The following LARGE1 variants were observed in gnomAD, a reference collection of about 807,000 sequenced individuals.
LARGE1 encodes LARGE xylosyl- and glucuronyltransferase 1.
A neutral mutation model predicts 87.6 loss-of-function variants in LARGE1; 43 were observed. The observed-to-expected ratio is 0.49, with a 90% confidence interval of 0.38 to 0.63. The LOEUF (loss-of-function observed/expected upper bound fraction) is 0.63. Among genes scored for constraint, LARGE1 ranks in the 30% least tolerant of loss-of-function variants. The pLI is 0.00. For missense variants in LARGE1, 802 were observed against 1,000.2 expected, an observed-to-expected ratio of 0.80 and a Z score of 2.67; for synonymous variants, 434 against 394.6, an observed-to-expected ratio of 1.10 and a Z score of -1.18.
intron 9 of LARGE1, among the ~76,000 whole-genome samples, chr22:33,340,617 C>A (rs16992178): frequency 0.011 from 1,738 of 151,992 alleles, 15 homozygotes; most frequent in South Asian, 0.022. Flanking sequence ...CATGGGACAC[C>A]TGTGACGGGA....
At chr22:33,247,266 T>C (rs150128939) in intron 11 of LARGE1, among the ~76,000 whole-genome samples, 2 of 152,282 alleles carry the variant, frequency 1.3e-5, no homozygotes, top group African/African-American at 4.8e-5. Context: ...TTAGAATGGA[T>C]TGATATGTTT....
chr22:33,765,420 A>G (rs5999093), intron 1 of LARGE1, among the ~76,000 whole-genome samples: 3,267 of 152,136 alleles, frequency 0.021, 138 homozygotes, highest in African/African-American at 0.075. Flanking sequence ...GCTATAGACA[A>G]GGGCTGGGTG....
At chr22:33,314,090 A>G (rs760068658) in intron 11 of LARGE1, among the ~76,000 whole-genome samples, 3 of 152,190 alleles carry the variant, frequency 2.0e-5, no homozygotes, top group African/African-American at 4.8e-5. Flanking sequence ...TGGAGATGAG[A>G]AAACTGTGGG....
At chr22:33,308,459 T>G (rs190013064) in intron 11 of LARGE1, among the ~76,000 whole-genome samples, 262 of 152,334 alleles carry the variant, frequency 1.7e-3, no homozygotes, top group Non-Finnish European at 2.9e-3. Context: ...TTTGCACATA[T>G]GTATTTTGGG....
At chr22:33,852,321 TC>T (rs1250230686) in intron 1 of LARGE1, among the ~76,000 whole-genome samples, 1 of 152,122 alleles carries the variant, frequency 6.6e-6, no homozygotes, top group African/African-American at 2.4e-5. Context: ...GTTTTTTTTT[TC>T]CTGCCATCAA....
At chr22:33,714,031 C>CATAACATAACATAACATAAT (rs1189068227) in intron 2 of LARGE1, among the ~76,000 whole-genome samples, 1 of 147,390 alleles carries the variant, frequency 6.8e-6, no homozygotes, top group African/African-American at 2.5e-5. Flanking sequence ...CATAACATAA[C>CATAACATAACATAACATAAT]ATAAAACAAA....
chr22:33,274,727 TA>T (rs1928864292), intron 14 of LARGE1, 103 bp from the exon 15 acceptor site: 1 of 1,010,856 alleles, frequency 9.9e-7, no homozygotes, highest in Non-Finnish European at 1.6e-6. Flanking sequence ...AATGACTTGA[TA>T]ATGGCACCCA....
intron 5 of LARGE1, among the ~76,000 whole-genome samples, chr22:33,587,662 TCA>T (rs768232546): frequency 1.3e-5 from 2 of 152,150 alleles, no homozygotes; most frequent in Non-Finnish European, 2.9e-5. Context: ...TAATTTTGTT[TCA>T]GTTTATTCAG....
chr22:33,901,116 A>G (rs1308847102), intron 1 of LARGE1, among the ~76,000 whole-genome samples: 1 of 152,136 alleles, frequency 6.6e-6, no homozygotes. Flanking sequence ...GTGAAGACAC[A>G]CAAGAAGAAA....
At chr22:33,743,582 TA>T (rs1490185661) in intron 2 of LARGE1, among the ~76,000 whole-genome samples, 5 of 152,222 alleles carry the variant, frequency 3.3e-5, no homozygotes, top group Non-Finnish European at 5.9e-5. Context: ...TGCTTCTCTG[TA>T]AAAGTATGTT....
chr22:33,813,714 G>A (rs17310), intron 1 of LARGE1, among the ~76,000 whole-genome samples: 2,741 of 152,184 alleles, frequency 0.018, 75 homozygotes, highest in African/African-American at 0.061. Context: ...GTGAAGACAG[G>A]AAGCCCAGGT....
intron 6 of LARGE1, among the ~76,000 whole-genome samples, chr22:33,483,640 T>C (rs990980485): frequency 2.0e-5 from 3 of 152,140 alleles, no homozygotes; most frequent in Non-Finnish European, 4.4e-5. Flanking sequence ...TCGGGCTGCA[T>C]TAATGAATGC....
At chr22:33,619,884 A>C (rs2079693936) in intron 4 of LARGE1, among the ~76,000 whole-genome samples, 1 of 152,244 alleles carries the variant, frequency 6.6e-6, no homozygotes, top group African/African-American at 2.4e-5. Context: ...CAAGTATTAC[A>C]TACAGCCTAT....
intron 6 of LARGE1, among the ~76,000 whole-genome samples, chr22:33,532,704 G>C (rs1048107206): frequency 6.6e-6 from 1 of 152,220 alleles, no homozygotes; most frequent in Admixed American, 6.5e-5. Flanking sequence ...ACATTTCTAA[G>C]ACGTAACATT....
intron 12 of LARGE1, among the ~76,000 whole-genome samples, chr22:33,295,756 G>A (rs1933163319): frequency 6.6e-6 from 1 of 152,290 alleles, no homozygotes; most frequent in East Asian, 1.9e-4. Context: ...TGCAAATGAG[G>A]GAGACAGGGC....
At chr22:33,624,969 A>C (rs987013088) in intron 4 of LARGE1, among the ~76,000 whole-genome samples, 1 of 152,200 alleles carries the variant, frequency 6.6e-6, no homozygotes, top group East Asian at 1.9e-4. Context: ...GAGAGAAGGT[A>C]GAACCAATGA....
rs117668269 is a variant in LARGE1, at chr22:33,477,376, G to A, written c.788-45111C>T. Among the ~76,000 whole-genome samples, 557 of 152,310 alleles carry A rather than the reference G, an allele frequency of 3.7e-3. 3 individuals carry two copies. The highest frequency in any genetic ancestry group is 0.023 in the South Asian group (109 of 4,820). ...AAAGTTTCTACTTGATAATTATGCC[G>A]TCTAAAGATGCTTTGTCAAAGTCCC... On this transcript the variant is annotated intron_variant, in intron 6 of 14. Coordinates refer to ENST00000397394, the MANE Select transcript of LARGE1 (RefSeq NM_133642.5).
chr22:33,272,452 T>C (rs534226470), downstream of LARGE1, among the ~76,000 whole-genome samples: 79 of 152,298 alleles, frequency 5.2e-4, no homozygotes, highest in Non-Finnish European at 4.7e-4. Context: ...AAAGGCCTTG[T>C]GAGCATGTAG....
intron 6 of LARGE1, among the ~76,000 whole-genome samples, chr22:33,500,137 C>T (rs898698709): frequency 6.6e-6 from 1 of 152,164 alleles, no homozygotes; most frequent in African/African-American, 2.4e-5. Context: ...GTATCATGTA[C>T]ATCTATAAGA....
Sources: allele counts gnomAD v4.1 joint callset (sites outside exome capture counted in the v4.1 genomes callset), GRCh38; gene constraint gnomAD v4.1.1; transcripts MANE v1.5; gene names NCBI Gene and HGNC (gene_info 2026-07-23, HGNC 2026-07-21).